C2orf76: variants seen among roughly 807,000 people sequenced by gnomAD.
C2orf76 encodes the protein UPF0538 protein C2orf76.
C2orf76 carries 23 observed loss-of-function variants against 16.9 expected under a neutral mutation model. The observed-to-expected ratio is 1.36, with a 90% CI of 0.98 to 1.93. The LOEUF (loss-of-function observed/expected upper bound fraction) is 1.93. Among genes scored for constraint, C2orf76 ranks in the 30% most tolerant of loss-of-function variants. The probability of loss-of-function intolerance (pLI) is 0.00; values close to 1 mark genes in which losing one functional copy is unlikely to be tolerated. For missense variants in C2orf76, 152 were observed against 152.6 expected, an observed-to-expected ratio of 1.00 and a Z score of 0.02; for synonymous variants, 48 against 52.3, an observed-to-expected ratio of 0.92 and a Z score of 0.35.
At chr2:119,291,659 G>A in the C2orf76 span, among the ~76,000 whole-genome samples, 1 of 152,142 alleles carries the variant, frequency 6.6e-6, no homozygotes, top group Non-Finnish European at 1.5e-5. Context: ...GAGCTGACAG[G>A]TGGAGGGGGA....
the C2orf76 span, among the ~76,000 whole-genome samples, chr2:119,294,667 G>C: frequency 1.3e-5 from 2 of 152,036 alleles, no homozygotes; most frequent in Non-Finnish European, 2.9e-5. Flanking sequence ...GTGAGAGGAG[G>C]GGTCTCAGAG....
In C2orf76 at chr2:119,321,200, G is replaced by C; in HGVS notation, c.138C>G (p.Ile46Met). 8 of 1,415,328 alleles carry C rather than the reference G, an allele frequency of 5.7e-6. No homozygotes were observed. The highest frequency in any genetic ancestry group is 7.7e-6 in the Non-Finnish European group (8 of 1,034,874). 87.7% of individuals were successfully genotyped at this position (1,415,328 alleles called of 1,614,324 possible). Reference protein sequence around the residue: ...KEFIVFLKQDIPLRTNLPPPF... With the variant: ...KEFIVFLKQDMPLRTNLPPPF... ...GTGGTGGCAGGTTGGTCCTTAAAGG[G>C]ATATCTACAAGAGAAAGATTATTTT... The change falls in exon 3 of 6, where the codon ATC becomes ATG. Residue 46 changes from isoleucine to methionine, a missense_variant. Transcript: ENST00000334816.
the C2orf76 span, among the ~76,000 whole-genome samples, chr2:119,292,663 A>G: frequency 2.0e-5 from 3 of 152,168 alleles, no homozygotes; most frequent in African/African-American, 7.2e-5. Flanking sequence ...TAGAGAGTGT[A>G]TTCAGTCTAC....
intron 4 of C2orf76, among the ~76,000 whole-genome samples, chr2:119,315,843 T>G (rs1245216655): frequency 2.0e-5 from 3 of 152,248 alleles, no homozygotes; most frequent in African/African-American, 4.8e-5. Context: ...TAAATATAAG[T>G]AACAATTCTA....
the C2orf76 span, among the ~76,000 whole-genome samples, chr2:119,281,424 C>T: frequency 6.6e-6 from 1 of 152,072 alleles, no homozygotes; most frequent in Non-Finnish European, 1.5e-5. Flanking sequence ...GGGAGGATAG[C>T]TTGAGCCAGG....
chr2:119,355,233 G>A (rs186832046), intron 1 of C2orf76, among the ~76,000 whole-genome samples: 7 of 152,350 alleles, frequency 4.6e-5, no homozygotes. Flanking sequence ...CCATCAGTGA[G>A]AATATTAATC....
At chr2:119,345,734 T>C (rs1328987523) in intron 1 of C2orf76, among the ~76,000 whole-genome samples, 1 of 152,168 alleles carries the variant, frequency 6.6e-6, no homozygotes, top group African/African-American at 2.4e-5. Flanking sequence ...AAGTTTCTTC[T>C]TTATAGAAGA....
At chr2:119,334,569 A>C (rs1444245217) in intron 2 of C2orf76, among the ~76,000 whole-genome samples, 1 of 151,680 alleles carries the variant, frequency 6.6e-6, no homozygotes, top group Non-Finnish European at 1.5e-5. Flanking sequence ...ATGCATCAGT[A>C]GTCCCAGCTA....
intron 4 of C2orf76, among the ~76,000 whole-genome samples, chr2:119,317,131 C>T (rs1306648927): frequency 6.6e-6 from 1 of 152,182 alleles, no homozygotes; most frequent in Non-Finnish European, 1.5e-5. Context: ...ATCAAAGACA[C>T]TGGATTGCCA....
intron 1 of C2orf76, among the ~76,000 whole-genome samples, chr2:119,343,608 T>A (rs921432569): frequency 3.3e-5 from 5 of 152,072 alleles, no homozygotes; most frequent in African/African-American, 1.2e-4. Context: ...GCTGCAACTG[T>A]CTGATATATA....
chr2:119,308,945 CT>C (rs1334082190), intron 5 of C2orf76, among the ~76,000 whole-genome samples: 4 of 135,154 alleles, frequency 3.0e-5, no homozygotes, highest in African/African-American at 1.4e-4. Flanking sequence ...CTTGAACTCC[CT>C]TGGACAATGC....
chr2:119,294,991 A>T, the C2orf76 span, among the ~76,000 whole-genome samples: 1 of 152,054 alleles, frequency 6.6e-6, no homozygotes, highest in African/African-American at 2.4e-5. Context: ...AGAGCCTTGG[A>T]GGGGGCACCA....
At position 119,345,015 on chromosome 2, in the gene C2orf76, G is replaced by A. The variant is rs59357536; in HGVS notation, c.-12-5044C>T. 4.9e-4 allele frequency among the ~76,000 whole-genome samples: 74 copies of A among 152,146 alleles called. 1 individual carries two copies. In the East Asian group the frequency reaches 0.012, roughly 24 times the overall value. Reference sequence around the variant, plus strand: ...TATCTCACTCCTTATACAAAATAACGTGTCTATGAAACAAATATTTAACTA... The same window carrying A: ...TATCTCACTCCTTATACAAAATAACATGTCTATGAAACAAATATTTAACTA... On this transcript the variant is annotated intron_variant, in intron 1 of 5. Coordinates refer to ENST00000334816, the MANE Select transcript of C2orf76 (RefSeq NM_001322331.2).
chr2:119,320,583 A>G (rs768632140), intron 3 of C2orf76, among the ~76,000 whole-genome samples: 2 of 152,084 alleles, frequency 1.3e-5, no homozygotes, highest in Non-Finnish European at 2.9e-5. Flanking sequence ...ATGAAAAGCC[A>G]CTCCAAAAAA....
intron 1 of C2orf76, among the ~76,000 whole-genome samples, chr2:119,364,140 AAGAG>A (rs967692704): frequency 1.3e-5 from 2 of 151,954 alleles, no homozygotes; most frequent in East Asian, 3.9e-4. Context: ...AGAAGAGAGA[AAGAG>A]AGAGAGATCT....
intron 1 of C2orf76, among the ~76,000 whole-genome samples, chr2:119,362,592 C>T (rs1680778979): frequency 6.6e-6 from 1 of 152,180 alleles, no homozygotes; most frequent in Non-Finnish European, 1.5e-5. Context: ...GAACTCAGTA[C>T]TGAACTCAAG....
At chr2:119,324,005 T>G (rs1361515933) in intron 2 of C2orf76, among the ~76,000 whole-genome samples, 3 of 152,258 alleles carry the variant, frequency 2.0e-5, no homozygotes, top group Non-Finnish European at 4.4e-5. Flanking sequence ...TACTTCATTT[T>G]ATTCTTCTTG....
intron 1 of C2orf76, among the ~76,000 whole-genome samples, chr2:119,342,625 GA>G (rs377328274): frequency 1.2e-4 from 16 of 134,070 alleles, no homozygotes; most frequent in African/African-American, 8.2e-5. Context: ...AAACAAAAAA[GA>G]AAAAAAAAAA....
At position 119,302,543 on chromosome 2, in the gene C2orf76, C is replaced by A; in HGVS notation, c.310G>T (p.Glu104Ter). 1 of 1,482,152 alleles carries A rather than the reference C, an allele frequency of 6.7e-7. No homozygotes were observed. Among genetic ancestry groups the A allele is most frequent in the Non-Finnish European group, 9.1e-7 (1 of 1,097,038 alleles). The allele number at this position is 1,482,152 out of a possible 1,614,324, so 91.8% of individuals were successfully genotyped here. A position where few individuals can be genotyped will look rare whatever the true frequency, so the allele number is the denominator to read the frequency against. The stretch of plus-strand genomic sequence containing the variant: ...TCACAGAAGAATGCAATTTCAGTTT[C>A]ACTGGCTGAAAAAAAACAGAAAATG... ...STLKAAGIAS[E>*]TEIAFFCEED... The change falls in exon 6 of 6, where the codon GAA (glutamate) becomes TAA (stop). Residue 104 changes from glutamate (E) to a stop codon, truncating the protein, a stop_gained. Coordinates refer to ENST00000334816, the MANE Select transcript of C2orf76 (RefSeq NM_001322331.2). LOFTEE classifies it high-confidence loss of function.
Sources: gnomAD v4.1 joint callset for allele counts (sites outside exome capture counted in the v4.1 genomes callset) on GRCh38, gnomAD v4.1.1 for gene constraint, MANE v1.5 for transcripts, NCBI Gene and HGNC (gene_info 2026-07-23, HGNC 2026-07-21) for gene names.